SHISA9: variants seen among roughly 807,000 people sequenced by gnomAD.
The protein encoded by SHISA9 is protein shisa-9.
A neutral mutation model predicts 38.0 loss-of-function variants in SHISA9; 13 were observed. That is an observed-to-expected ratio of 0.34 (90% CI 0.22 to 0.54). SHISA9 has a LOEUF of 0.54. Among genes scored for constraint, SHISA9 ranks in the 20% least tolerant of loss-of-function variants. The probability of loss-of-function intolerance (pLI) is 0.91; values close to 1 mark genes in which losing one functional copy is unlikely to be tolerated. For synonymous variants in SHISA9, 275 were observed against 242.0 expected (o/e 1.14, Z -1.27); for missense variants, 538 against 575.8 (o/e 0.93, Z 0.67).
chr16:13,194,096 TC>T (rs1279822922), intron 2 of SHISA9, among the ~76,000 whole-genome samples: 1 of 151,804 alleles, frequency 6.6e-6, no homozygotes, highest in Non-Finnish European at 1.5e-5. Context: ...CCTTCTCACA[TC>T]CCCCCAAGAA....
At chr16:13,447,915 T>G in the SHISA9 span, among the ~76,000 whole-genome samples, 1 of 152,184 alleles carries the variant, frequency 6.6e-6, no homozygotes, top group South Asian at 2.1e-4. Flanking sequence ...ATGATGGACT[T>G]GAGAAAAGAC....
At chr16:13,115,349 C>T (rs890005412) in intron 2 of SHISA9, among the ~76,000 whole-genome samples, 2 of 152,214 alleles carry the variant, frequency 1.3e-5, no homozygotes, top group Non-Finnish European at 2.9e-5. Context: ...TATTTATTAA[C>T]AGCAAACCAG....
At chr16:13,221,971 G>A (rs1339345123) in intron 4 of SHISA9, among the ~76,000 whole-genome samples, 1 of 152,188 alleles carries the variant, frequency 6.6e-6, no homozygotes, top group Non-Finnish European at 1.5e-5. Flanking sequence ...AAAGGAAAGA[G>A]GTTCAATGGA....
intron 2 of SHISA9, among the ~76,000 whole-genome samples, chr16:13,098,716 T>A (rs1047061094): frequency 2.0e-5 from 3 of 152,214 alleles, no homozygotes; most frequent in African/African-American, 7.2e-5. Flanking sequence ...ATCCACTCTG[T>A]GCATGTGGCT....
At chr16:13,485,475 T>G in the SHISA9 span, among the ~76,000 whole-genome samples, 2 of 152,226 alleles carry the variant, frequency 1.3e-5, no homozygotes, top group Non-Finnish European at 2.9e-5. Context: ...ACCATATTGC[T>G]TCCCTTTTTC....
At chr16:13,124,218 A>T (rs1449942541) in intron 2 of SHISA9, among the ~76,000 whole-genome samples, 1 of 152,236 alleles carries the variant, frequency 6.6e-6, no homozygotes, top group Non-Finnish European at 1.5e-5. Flanking sequence ...ATGCAGGAAG[A>T]TTGACAACAT....
At chr16:13,443,175 A>G in the SHISA9 span, among the ~76,000 whole-genome samples, 10 of 152,338 alleles carry the variant, frequency 6.6e-5, no homozygotes, top group Admixed American at 2.0e-4. Context: ...CAGGAATCCA[A>G]CTGTACCAAA....
chr16:13,407,314 C>A, the SHISA9 span, among the ~76,000 whole-genome samples: 1 of 152,044 alleles, frequency 6.6e-6, no homozygotes, highest in Admixed American at 6.5e-5. Flanking sequence ...AGAGAGACAG[C>A]GCTGGTCTCT....
At chr16:13,516,027 G>A in the SHISA9 span, among the ~76,000 whole-genome samples, 1 of 152,166 alleles carries the variant, frequency 6.6e-6, no homozygotes, top group Non-Finnish European at 1.5e-5. Flanking sequence ...TCCATCAGTT[G>A]CCTGTGACTT....
intron 2 of SHISA9, among the ~76,000 whole-genome samples, chr16:13,020,403 G>A (rs1007286931): frequency 6.6e-5 from 10 of 152,014 alleles, no homozygotes; most frequent in South Asian, 2.1e-4. Context: ...TTGCTCCCCC[G>A]TATGTATCCA....
At chr16:13,552,538 A>C in the SHISA9 span, among the ~76,000 whole-genome samples, 4 of 151,912 alleles carry the variant, frequency 2.6e-5, no homozygotes, top group East Asian at 7.8e-4. Context: ...TCATCCCTGC[A>C]ACAACCCTGG....
the SHISA9 span, among the ~76,000 whole-genome samples, chr16:13,288,789 T>TAAAACAAAAACA: frequency 1.3e-5 from 2 of 151,964 alleles, no homozygotes; most frequent in African/African-American, 4.8e-5. Context: ...GACTCTGTCT[T>TAAAACAAAAACA]AAAACAAAAA....
At chr16:13,293,869 A>G in the SHISA9 span, among the ~76,000 whole-genome samples, 1 of 152,236 alleles carries the variant, frequency 6.6e-6, no homozygotes, top group Admixed American at 6.5e-5. Context: ...AAAAATTATG[A>G]GAGAATAAGC....
chr16:12,971,235 C>A (rs1228390353), intron 2 of SHISA9, among the ~76,000 whole-genome samples: 1 of 152,228 alleles, frequency 6.6e-6, no homozygotes, highest in Admixed American at 6.5e-5. Flanking sequence ...AATCAGGACT[C>A]TGTGTAGCTA....
At chr16:13,411,424 A>C in the SHISA9 span, among the ~76,000 whole-genome samples, 2 of 152,216 alleles carry the variant, frequency 1.3e-5, no homozygotes, top group Non-Finnish European at 2.9e-5. Flanking sequence ...GCAATAATAC[A>C]TGTTAATTTG....
the SHISA9 span, among the ~76,000 whole-genome samples, chr16:13,467,572 C>T: frequency 3.9e-5 from 6 of 152,192 alleles, no homozygotes; most frequent in African/African-American, 1.2e-4. Flanking sequence ...TCCATGATCC[C>T]GTGATCCACT....
chr16:13,156,760 TC>T (rs2050551591), intron 2 of SHISA9, among the ~76,000 whole-genome samples: 1 of 150,702 alleles, frequency 6.6e-6, no homozygotes, highest in South Asian at 2.1e-4. Context: ...AAAAATTACT[TC>T]CTTGCACAAC....
chr16:13,390,276 A>T, the SHISA9 span, among the ~76,000 whole-genome samples: 1 of 152,126 alleles, frequency 6.6e-6, no homozygotes, highest in South Asian at 2.1e-4. Flanking sequence ...GCCAGAACCA[A>T]ACCTGCATTT....
At chr16:13,220,080 C>T (rs910904160) in intron 4 of SHISA9, among the ~76,000 whole-genome samples, 48 of 152,290 alleles carry the variant, frequency 3.2e-4, no homozygotes, top group South Asian at 2.1e-4. Flanking sequence ...AATAACACTG[C>T]GTAACAAATA....
Sources: allele counts gnomAD v4.1 joint callset (sites outside exome capture counted in the v4.1 genomes callset), GRCh38; gene constraint gnomAD v4.1.1; transcripts MANE v1.5; gene names NCBI Gene and HGNC (gene_info 2026-07-23, HGNC 2026-07-21).